MAF: variants seen among roughly 807,000 people sequenced by gnomAD.
MAF encodes the protein MAF bZIP transcription factor, also known as transcription factor Maf.
A neutral mutation model predicts 22.0 loss-of-function variants in MAF; 10 were observed. The observed-to-expected ratio is 0.45, with a 90% confidence interval of 0.28 to 0.77. The LOEUF (loss-of-function observed/expected upper bound fraction) is 0.77, where lower values mean the gene tolerates loss of function less well. Among genes scored for constraint, MAF ranks in the 30% least tolerant of loss-of-function variants. The pLI is 0.12. For synonymous variants in MAF, 337 were observed against 255.8 expected (o/e 1.32, Z -3.03); for missense variants, 544 against 548.4 (o/e 0.99, Z 0.08).
At chr16:79,323,262 G>A in the MAF span, among the ~76,000 whole-genome samples, 1 of 151,124 alleles carries the variant, frequency 6.6e-6, no homozygotes, top group Admixed American at 6.6e-5. Flanking sequence ...CTGGAAGGGG[G>A]GATGACATGG....
At chr16:79,404,613 C>G in the MAF span, among the ~76,000 whole-genome samples, 1 of 149,948 alleles carries the variant, frequency 6.7e-6, no homozygotes, top group African/African-American at 2.4e-5. Flanking sequence ...AAATGACAAG[C>G]GCTTCAATCT....
At chr16:79,419,984 T>A in the MAF span, among the ~76,000 whole-genome samples, 1 of 150,904 alleles carries the variant, frequency 6.6e-6, no homozygotes, top group African/African-American at 2.4e-5. Flanking sequence ...TTCAGACAAT[T>A]TTTCAGAGGG....
At chr16:79,530,266 G>A in the MAF span, among the ~76,000 whole-genome samples, 1 of 152,130 alleles carries the variant, frequency 6.6e-6, no homozygotes, top group African/African-American at 2.4e-5. Flanking sequence ...ACAGACTACT[G>A]GGTTTTCCGT....
chr16:79,507,856 A>G, the MAF span, among the ~76,000 whole-genome samples: 12 of 152,260 alleles, frequency 7.9e-5, 1 homozygote, highest in South Asian at 4.1e-4. Context: ...CTTCTGTTGG[A>G]GTTTGTATGC....
chr16:79,361,101 A>G, the MAF span, among the ~76,000 whole-genome samples: 243 of 152,352 alleles, frequency 1.6e-3, 4 homozygotes, highest in African/African-American at 5.6e-3. Context: ...ATTCACCTTC[A>G]AAATCTTTGG....
chr16:79,327,662 T>C, the MAF span, among the ~76,000 whole-genome samples: 4 of 152,208 alleles, frequency 2.6e-5, no homozygotes, highest in Non-Finnish European at 4.4e-5. Flanking sequence ...ATCCAAATGA[T>C]ACACATTTTT....
rs1431720145 is a variant in MAF, at chr16:79,599,245, C to G, written c.658G>C (p.Gly220Arg). The G allele has an allele frequency of 2.0e-6, 2 of 978,442 alleles. No homozygotes were observed. The highest frequency in any genetic ancestry group is 1.2e-4 in the East Asian group (1 of 8,552). The allele number at this position is 978,442 out of a possible 1,614,324, so 60.6% of individuals were successfully genotyped here. A position where few individuals can be genotyped will look rare whatever the true frequency, so the allele number is the denominator to read the frequency against. ...CCGCCGCCCCCAGCGCTGGCCGGGC[C>G]ACCGCCGCCCGCGCCCCCAGCGCCA... ...AGGAGGAGGG[G>R]PASAGGGGGG... is the part of the protein sequence containing the mutation. Residue 220 changes from glycine to arginine, a missense_variant, in exon 1 of 2, where the codon GGC becomes CGC. Coordinates refer to ENST00000326043, the MANE Select transcript of MAF (RefSeq NM_005360.5).
the MAF span, among the ~76,000 whole-genome samples, chr16:79,211,032 G>GGA: frequency 0.013 from 395 of 30,458 alleles, 4 homozygotes; most frequent in African/African-American, 0.044. Flanking sequence ...TGTATGGTGA[G>GGA]GAGTGTGTGT....
At position 79,599,262 on chromosome 16, in the gene MAF, C is replaced by G. The variant is rs957401703; in HGVS notation, c.641G>C (p.Gly214Ala). 1.0e-5 allele frequency: 10 copies of G among 978,516 alleles called. No individual in the cohort carries two copies. Among genetic ancestry groups the G allele is most frequent in the Non-Finnish European group, 1.2e-5 (10 of 827,364 alleles). 60.6% of individuals were successfully genotyped at this position (978,516 alleles called of 1,614,324 possible). ...GGCCGGGCCACCGCCGCCCGCGCCC[C>G]CAGCGCCACCGGCCGAGGCGGCCGC... ...GSAAASAGGA[G>A]GAGGGGPASA... Residue 214 changes from glycine (G) to alanine (A), a missense_variant, in exon 1 of 2, where the codon GGG (glycine) becomes GCG (alanine). Physicochemically the swap from Gly to Ala is moderately conservative, Grantham distance 60 (BLOSUM62 0). This residue lies in a region of MAF where 342 missense variants were observed against 315.5 expected (regional missense o/e 1.08). Coordinates refer to ENST00000326043, the MANE Select transcript of MAF (RefSeq NM_005360.5).
chr16:79,414,397 G>A, the MAF span, among the ~76,000 whole-genome samples: 2 of 152,142 alleles, frequency 1.3e-5, no homozygotes, highest in African/African-American at 2.4e-5. Context: ...AAGAGAGAAG[G>A]GAAGATGCCA....
downstream of MAF, among the ~76,000 whole-genome samples, chr16:79,590,229 A>G (rs1350200028): frequency 6.6e-6 from 1 of 151,482 alleles, no homozygotes; most frequent in Non-Finnish European, 1.5e-5. Context: ...ATGGGGGGGC[A>G]TGGAGGGAGG....
the MAF span, among the ~76,000 whole-genome samples, chr16:79,210,160 T>C: frequency 3.3e-5 from 5 of 152,204 alleles, no homozygotes; most frequent in African/African-American, 1.2e-4. Context: ...GTCGTATCAC[T>C]TGACTGCATT....
chr16:79,467,767 C>T, the MAF span, among the ~76,000 whole-genome samples: 1 of 152,114 alleles, frequency 6.6e-6, no homozygotes, highest in Non-Finnish European at 1.5e-5. Context: ...AGTTTGTGAA[C>T]CACTGCTCTA....
the MAF span, among the ~76,000 whole-genome samples, chr16:79,273,532 G>A: frequency 6.6e-6 from 1 of 152,180 alleles, no homozygotes; most frequent in African/African-American, 2.4e-5. Flanking sequence ...CTGCCAGGCT[G>A]TGTTCCTTCT....
At chr16:79,309,924 A>G in the MAF span, among the ~76,000 whole-genome samples, 2 of 152,190 alleles carry the variant, frequency 1.3e-5, no homozygotes, top group African/African-American at 4.8e-5. Context: ...GACTTAGAAA[A>G]TTGACTAATG....
the MAF span, among the ~76,000 whole-genome samples, chr16:79,450,645 A>G: frequency 1.3e-5 from 2 of 152,274 alleles, no homozygotes; most frequent in Admixed American, 1.3e-4. Flanking sequence ...TGGTTTTTAT[A>G]AGGCTATTAT....
chr16:79,377,769 A>G, the MAF span, among the ~76,000 whole-genome samples: 1 of 152,176 alleles, frequency 6.6e-6, no homozygotes, highest in African/African-American at 2.4e-5. Context: ...TCCCAGCACC[A>G]TTGATTAAAT....
At chr16:79,292,877 T>A in the MAF span, among the ~76,000 whole-genome samples, 8 of 152,176 alleles carry the variant, frequency 5.3e-5, no homozygotes, top group Non-Finnish European at 1.0e-4. Context: ...ATCAGCACCA[T>A]GGCAATTTAC....
the MAF span, among the ~76,000 whole-genome samples, chr16:79,392,797 C>T: frequency 6.6e-6 from 1 of 152,164 alleles, no homozygotes; most frequent in Non-Finnish European, 1.5e-5. Context: ...CTACCTTTGG[C>T]ATGTGAGAAC....
Sources: gnomAD v4.1 joint callset for allele counts (sites outside exome capture counted in the v4.1 genomes callset) on GRCh38, gnomAD v4.1.1 for gene constraint, gnomAD v4.1.1 regional missense constraint, MANE v1.5 for transcripts, NCBI Gene and HGNC (gene_info 2026-07-23, HGNC 2026-07-21) for gene names.